The following IFT172 variants were observed in gnomAD, a reference collection of about 807,000 sequenced individuals.
The protein encoded by IFT172 is intraflagellar transport protein 172 homolog.
Under a neutral mutation model 248.9 loss-of-function variants are expected in IFT172, and 164 were observed. That is an observed-to-expected ratio of 0.66 (90% CI 0.58 to 0.75). The LOEUF (loss-of-function observed/expected upper bound fraction) is 0.75. Ranked by LOEUF, IFT172 falls within the 30% of genes least tolerant of loss-of-function variation. The pLI, the probability that IFT172 is intolerant of heterozygous loss-of-function variation, is 0.00. For synonymous variants in IFT172, 729 were observed against 791.6 expected, an observed-to-expected ratio of 0.92 and a Z score of 1.33; for missense variants, 1,950 against 2,192.4, an observed-to-expected ratio of 0.89 and a Z score of 2.21.
intron 42 of IFT172, 93 bp from the exon 43 acceptor site, chr2:27,446,448 CAACAATTATTAT>C: frequency 2.8e-6 from 3 of 1,082,764 alleles, no homozygotes; most frequent in Non-Finnish European, 4.2e-6. Context: ...AACTAAAAAA[CAACAATTATTAT>C]TAAACTGCTC....
chr2:27,445,387 C>T lies in IFT172; in HGVS notation c.4977G>A (p.Glu1659=), dbSNP rs1374133087. 1 of 1,612,584 alleles carries T rather than the reference C, an allele frequency of 6.2e-7. No homozygotes were observed. The highest frequency in any genetic ancestry group is 1.3e-5 in the African/African-American group (1 of 74,880). ...CACGCTCATCCCGAGGCAGAACCTG[C>T]TCCAGCCGCTGGTCCATGGAGACTG... ...VLTVSMDQRL[E]QVLPRDERGA... The change falls in exon 46 of 48, where the codon GAG becomes GAA. Residue 1659 remains glutamate (E), a synonymous_variant. Transcript: ENST00000260570. This position sits in a 1 kb window ranked among gnomAD's most constrained non-coding sequence, Gnocchi z 4.4.
intron 29 of IFT172, among the ~76,000 whole-genome samples, chr2:27,456,949 G>A (rs1431608801): frequency 6.6e-6 from 1 of 152,154 alleles, no homozygotes; most frequent in Non-Finnish European, 1.5e-5. Flanking sequence ...GGAGGCTGAG[G>A]CAGAAAAATT....
In IFT172 at chr2:27,461,793, CG is replaced by C. The variant is rs587777086; in HGVS notation, c.2158del (p.Arg720ValfsTer28). 1.4e-5 allele frequency: 23 copies of C among 1,614,062 alleles called. No homozygotes were observed. The highest frequency in any genetic ancestry group is 1.9e-5 in the Non-Finnish European group (22 of 1,180,046). ...AGCCACAGCGATACACTCATCCCAA[CG>C]GTGTAGCTCCTGGTACATGCCCATG... The part of the protein sequence containing the change: ...EAMGMYQELH[R>X]WDECIAVAEA... On this transcript the variant is annotated frameshift_variant, in exon 21 of 48. Coordinates refer to ENST00000260570, the MANE Select transcript of IFT172 (RefSeq NM_015662.3). LOFTEE classifies it high-confidence loss of function.
intron 1 of IFT172, 73 bp from the exon 2 acceptor site, chr2:27,485,576 A>G: frequency 1.3e-6 from 2 of 1,555,012 alleles, no homozygotes; most frequent in South Asian, 1.1e-5. Context: ...AGCTTCATTA[A>G]TTCTAGTGTA....
intron 29 of IFT172, among the ~76,000 whole-genome samples, 162 bp from the exon 30 acceptor site, chr2:27,456,815 C>T (rs1286381997): frequency 6.6e-6 from 1 of 152,084 alleles, no homozygotes; most frequent in African/African-American, 2.4e-5. Context: ...GAGGCCGAGG[C>T]AAGAGGATAA....
At chr2:27,482,912 CTCTCTTAGTA>C (rs1481504448) in intron 7 of IFT172, among the ~76,000 whole-genome samples, 1 of 151,986 alleles carries the variant, frequency 6.6e-6, no homozygotes, top group Non-Finnish European at 1.5e-5. Context: ...CTCTAGCTTC[CTCTCTTAGTA>C]TCTCAATCCA....
intron 19 of IFT172, 136 bp downstream of exon 19, chr2:27,462,956 ATGGTC>A (rs1666795783): frequency 8.8e-7 from 1 of 1,142,742 alleles, no homozygotes; most frequent in Non-Finnish European, 1.3e-6. Context: ...CAATTCTGAA[ATGGTC>A]TGACTTGAGG....
chr2:27,462,903 T>A, intron 19 of IFT172, 110 bp from the exon 20 acceptor site: 1 of 1,225,886 alleles, frequency 8.2e-7, no homozygotes, highest in Non-Finnish European at 1.2e-6. Flanking sequence ...CTTGGGAAGG[T>A]AAAACACTTC....
chr2:27,478,178 GC>G (rs1668106379), intron 10 of IFT172, 22 bp from the exon 11 acceptor site: 1 of 1,613,294 alleles, frequency 6.2e-7, no homozygotes. Flanking sequence ...ACAAGTGTGA[GC>G]CCCTTAGGCT....
At position 27,481,235 on chromosome 2, in the gene IFT172, G is replaced by A; in HGVS notation, c.596C>T (p.Pro199Leu). 3 of 1,612,120 alleles carry A rather than the reference G, an allele frequency of 1.9e-6. No homozygotes were observed. The highest frequency in any genetic ancestry group is 1.7e-6 in the Non-Finnish European group (2 of 1,179,890). ...SQGKLVNHPC[P>L]PYALAWATNS... ...GGTTGCCCATGCCAAGGCATAGGGT[G>A]GACACGGGTGGTTAACCAACTTCCC... is the stretch of plus-strand genomic sequence containing the variant. Residue 199 changes from proline to leucine, a missense_variant, in exon 8 of 48, where the codon CCA becomes CTA. Pro to Leu is a moderately conservative substitution (Grantham distance 98). Around this residue, in one of 3 missense-constraint regions of IFT172, gnomAD observed 1,166 missense variants for 1,254.1 expected, o/e 0.93. Transcript: ENST00000260570.
intron 10 of IFT172, among the ~76,000 whole-genome samples, chr2:27,479,130 AAGTAGCT>A (rs1668165701): frequency 6.6e-6 from 1 of 151,920 alleles, no homozygotes; most frequent in Non-Finnish European, 1.5e-5. Context: ...TCAGCCTCCC[AAGTAGCT>A]GGGACTACAG....
At chr2:27,467,070 A>G (rs1667140685) in intron 16 of IFT172, among the ~76,000 whole-genome samples, 1 of 152,178 alleles carries the variant, frequency 6.6e-6, no homozygotes, top group Non-Finnish European at 1.5e-5. Flanking sequence ...TAAAATGATT[A>G]TTTATGAAGC....
At position 27,484,118 on chromosome 2, in the gene IFT172, A is replaced by G. The variant is rs1668578728; in HGVS notation, c.336+109T>C. 9.4e-6 allele frequency: 14 copies of G among 1,490,406 alleles called. 1 individual carries two copies. In the South Asian group the frequency reaches 1.6e-4, roughly 17 times the overall value. The allele number at this position is 1,490,406 out of a possible 1,614,324, so 92.3% of individuals were successfully genotyped here. A position where few individuals can be genotyped will look rare whatever the true frequency, so the allele number is the denominator to read the frequency against. On this transcript the variant is annotated intron_variant, in intron 4 of 47. Coordinates refer to ENST00000260570, the MANE Select transcript of IFT172 (RefSeq NM_015662.3). ...CATGAAGCACCATCCTTGCAGTAGG[A>G]AAAGTCACATTCAGATGTTAGAAAT...
chr2:27,462,895 T>C, intron 19 of IFT172, 102 bp from the exon 20 acceptor site: 1 of 1,288,856 alleles, frequency 7.8e-7, no homozygotes, highest in African/African-American at 1.5e-5. Context: ...ACAAAAGACT[T>C]GGGAAGGTAA....
At position 27,445,277 on chromosome 2, in the gene IFT172, G is replaced by GT; in HGVS notation, c.5068+18dup. The GT allele has an allele frequency of 6.2e-7, 1 of 1,603,254 alleles. No individual in the cohort carries two copies. Reference sequence around the variant, plus strand: ...CTTTCTACCCACCACAGGATCTGGGGTGCTGTAGGCTTCTATACCTGTAAT... The same window carrying GT: ...CTTTCTACCCACCACAGGATCTGGGGTTGCTGTAGGCTTCTATACCTGTAAT... On this transcript the variant is annotated intron_variant, in intron 46 of 47. Transcript: ENST00000260570. This position sits in a 1 kb window ranked among gnomAD's most constrained non-coding sequence, Gnocchi z 4.4.
chr2:27,475,979 T>C (rs915162804), intron 14 of IFT172, among the ~76,000 whole-genome samples: 2 of 152,032 alleles, frequency 1.3e-5, no homozygotes, highest in Non-Finnish European at 2.9e-5. Context: ...TGCTATTCTC[T>C]ATACTACTTT....
intron 14 of IFT172, among the ~76,000 whole-genome samples, chr2:27,473,132 C>CA (rs1667697585): frequency 1.3e-5 from 2 of 151,636 alleles, no homozygotes; most frequent in South Asian, 4.2e-4. Context: ...TTTGGGAAGC[C>CA]AAGGTGGGCA....
rs1159526004 is a variant in IFT172, at chr2:27,476,844, CAG to C, written c.1326-120_1326-119del. 3.5e-5 allele frequency: 23 copies of C among 660,634 alleles called. No homozygotes were observed. The East Asian group carries it at 4.7e-4, about 13-fold the overall frequency. 40.9% of individuals were successfully genotyped at this position (660,634 alleles called of 1,614,324 possible). On this transcript the variant is annotated intron_variant, in intron 13 of 47. Coordinates refer to ENST00000260570, the MANE Select transcript of IFT172 (RefSeq NM_015662.3). ...ATTTATTTATTTATTTATTTTGAGA[CAG>C]GGTCTCACTCTGGTTGCCAAAGCTG...
Position 27,459,808 on chromosome 2 carries a change from G to A in IFT172, c.2543C>T (p.Ala848Val). 6.2e-7 allele frequency: 1 copy of A among 1,612,084 alleles called. No individual in the cohort carries two copies. The highest frequency in any genetic ancestry group is 8.5e-7 in the Non-Finnish European group (1 of 1,180,026). The change falls in exon 24 of 48, where the codon GCC becomes GTC. Residue 848 changes from alanine (A) to valine (V), a missense_variant. This residue lies in a region of IFT172 where 1,166 missense variants were observed against 1,254.1 expected (regional missense o/e 0.93). Transcript: ENST00000260570. ...TAGTTTCACCACCTCCACTGGGAAG[G>A]CCAATCGAGCCAGCTCTACCGCTGC... ...FMKAVELARL[A>V]FPVEVVKLEE...
Sources: gnomAD v4.1 joint callset for allele counts (sites outside exome capture counted in the v4.1 genomes callset) on GRCh38, gnomAD v4.1.1 for gene constraint, gnomAD v4.1.1 regional missense constraint, Gnocchi (gnomAD v3.1) non-coding constraint, MANE v1.5 for transcripts, NCBI Gene and HGNC (gene_info 2026-07-23, HGNC 2026-07-21) for gene names.